TPGS2: variants seen among roughly 807,000 people sequenced by gnomAD.
TPGS2 encodes tubulin polyglutamylase complex subunit 2, also known as polyglutamylase subunit 2.
TPGS2 carries 26 observed loss-of-function variants against 31.1 expected under a neutral mutation model. The observed-to-expected ratio is 0.84, with a 90% CI of 0.61 to 1.16. The LOEUF (loss-of-function observed/expected upper bound fraction) is 1.16. Ranked by LOEUF, TPGS2 falls within the 50% of genes most tolerant of loss-of-function variation. TPGS2 has a pLI of 0.00. For synonymous variants in TPGS2, 130 were observed against 136.6 expected (o/e 0.95, Z 0.34); for missense variants, 351 against 363.8 (o/e 0.96, Z 0.29).
intron 2 of TPGS2, among the ~76,000 whole-genome samples, chr18:36,816,924 C>G (rs569722827): frequency 6.6e-5 from 10 of 152,170 alleles, no homozygotes; most frequent in Non-Finnish European, 1.3e-4. Context: ...CTACTAATAC[C>G]TAAAGGGCTG....
intron 4 of TPGS2, among the ~76,000 whole-genome samples, chr18:36,801,468 G>A (rs189046422): frequency 6.6e-6 from 1 of 152,164 alleles, no homozygotes; most frequent in Admixed American, 6.5e-5. Flanking sequence ...CAAGTAGCTG[G>A]GGTCCATAGG....
At chr18:36,815,150 C>T (rs2045596791) in intron 2 of TPGS2, among the ~76,000 whole-genome samples, 1 of 152,126 alleles carries the variant, frequency 6.6e-6, no homozygotes, top group African/African-American at 2.4e-5. Flanking sequence ...AATTATCAGC[C>T]CCTTGGGATC....
chr18:36,818,328 G>A (rs2045746937), intron 2 of TPGS2, among the ~76,000 whole-genome samples: 1 of 151,392 alleles, frequency 6.6e-6, no homozygotes, highest in African/African-American at 2.4e-5. Flanking sequence ...GTCTTAGGCA[G>A]TAAGATCAAG....
rs1372797829 is a variant in TPGS2, at chr18:36,796,745, G to C, written c.*60C>G. The stretch of plus-strand genomic sequence containing the variant: ...ACGCAAAACTGGAGGTCACCCCTAG[G>C]GCCATCTGTGCATGGAAACCACCAC... On this transcript the variant is annotated 3_prime_UTR_variant, in exon 7 of 7. Coordinates refer to ENST00000334295, the MANE Select transcript of TPGS2 (RefSeq NM_015476.4). The C allele has an allele frequency of 1.9e-6, 3 of 1,564,398 alleles. No individual in the cohort carries two copies. The highest frequency in any genetic ancestry group is 2.6e-6 in the Non-Finnish European group (3 of 1,164,968).
intron 4 of TPGS2, among the ~76,000 whole-genome samples, chr18:36,802,826 C>T (rs2150583640): frequency 6.6e-6 from 1 of 152,204 alleles, no homozygotes; most frequent in Non-Finnish European, 1.5e-5. Context: ...CGGGGTTTCA[C>T]CATGTTGGCC....
chr18:36,783,118 AG>A lies in TPGS2; in HGVS notation c.670del (p.Leu224PhefsTer11). 2.5e-6 allele frequency: 1 copy of A among 398,560 alleles called. No individual in the cohort carries two copies. The highest frequency in any genetic ancestry group is 2.1e-5 in the African/African-American group (1 of 48,758). The allele number at this position is 398,560 out of a possible 1,614,324, so 24.7% of individuals were successfully genotyped here. On this transcript the variant is annotated frameshift_variant, in exon 7 of 7. Transcript: ENST00000587129. LOFTEE classifies it low-confidence loss of function (END_TRUNC). ...CACCGGAGGACTAGATCCATCAAAAAGGCCTAAAAGAGCCTATAAGAAAAAT... is the reference window on the plus strand; with the variant it reads ...CACCGGAGGACTAGATCCATCAAAAAGCCTAAAAGAGCCTATAAGAAAAAT...
At chr18:36,783,147 A>G (rs572083474) in intron 6 of TPGS2, 2 of 398,408 alleles carry the variant, frequency 5.0e-6, no homozygotes, top group South Asian at 1.3e-4. Context: ...AGAAAAATCA[A>G]TTTGCGTTGT....
At position 36,796,915 on chromosome 18, in the gene TPGS2, C is replaced by T; in HGVS notation, c.793G>A (p.Gly265Arg). The change falls in exon 7 of 7, where the codon GGG becomes AGG. Residue 265 changes from glycine to arginine, a missense_variant. Gly to Arg is a moderately radical substitution (Grantham distance 125, BLOSUM62 -2). Coordinates refer to ENST00000334295, the MANE Select transcript of TPGS2 (RefSeq NM_015476.4). The part of the protein sequence containing the change: ...KNKIVIPKKK[G>R]PVQPAGGQKG... Reference sequence around the variant, plus strand: ...TGGCCACCTGCAGGCTGCACAGGCCCTTTCTTTTTTGGGATTACGATCTTG... The same window carrying T: ...TGGCCACCTGCAGGCTGCACAGGCCTTTTCTTTTTTGGGATTACGATCTTG... The T allele has an allele frequency of 6.2e-7, 1 of 1,610,020 alleles. No homozygotes were observed. The highest frequency in any genetic ancestry group is 1.7e-5 in the Admixed American group (1 of 59,130).
chr18:36,826,143 T>A (rs1429698502), intron 1 of TPGS2, among the ~76,000 whole-genome samples: 1 of 152,132 alleles, frequency 6.6e-6, no homozygotes, highest in Non-Finnish European at 1.5e-5. Flanking sequence ...GCTCAAGCAA[T>A]CCTCCTATCT....
chr18:36,809,206 T>A (rs1351336714), intron 2 of TPGS2, among the ~76,000 whole-genome samples: 9 of 152,094 alleles, frequency 5.9e-5, no homozygotes, highest in Admixed American at 3.9e-4. Flanking sequence ...AAGAATAAAC[T>A]CTAAGACTTA....
chr18:36,798,185 T>A, intron 6 of TPGS2: 1 of 1,301,268 alleles, frequency 7.7e-7, no homozygotes, highest in Non-Finnish European at 9.8e-7. Context: ...TCATGGGACA[T>A]AAACTATCCA....
chr18:36,798,433 G>C lies in TPGS2; in HGVS notation c.657+16C>G. 1 of 1,614,084 alleles carries C rather than the reference G, an allele frequency of 6.2e-7. No individual in the cohort carries two copies. Among genetic ancestry groups the C allele is most frequent in the Non-Finnish European group, 8.5e-7 (1 of 1,179,990 alleles). ...GAATATACCATAGTTTACAATGGCA[G>C]GTGTTCCTCCCTTACCTTGGCCTGT... is the stretch of plus-strand genomic sequence containing the variant. On this transcript the variant is annotated intron_variant, in intron 6 of 6. Transcript: ENST00000334295.
intron 3 of TPGS2, 90 bp downstream of exon 3, chr18:36,807,757 T>G (rs2045227489): frequency 1.6e-6 from 2 of 1,214,234 alleles, no homozygotes; most frequent in Admixed American, 3.9e-5. Context: ...ACCATCCAGA[T>G]TCAAAGACTC....
intron 6 of TPGS2, among the ~76,000 whole-genome samples, chr18:36,784,165 A>C (rs2044078061): frequency 6.6e-6 from 1 of 152,222 alleles, no homozygotes; most frequent in Admixed American, 6.5e-5. Context: ...TGATAAAATA[A>C]ATTTCTGTTG....
intron 5 of TPGS2, 83 bp from the exon 6 acceptor site, chr18:36,798,692 GC>G: frequency 6.7e-7 from 1 of 1,501,626 alleles, no homozygotes; most frequent in Non-Finnish European, 8.9e-7. Context: ...TATACTCATG[GC>G]CTTAAAAAAA....
chr18:36,785,806 C>CA (rs567045645), intron 6 of TPGS2, among the ~76,000 whole-genome samples: 30 of 151,842 alleles, frequency 2.0e-4, no homozygotes, highest in African/African-American at 5.3e-4. Flanking sequence ...GAAGTGTCAA[C>CA]AAAAAAATCA....
At chr18:36,798,099 C>T in intron 6 of TPGS2, 1 of 1,052,196 alleles carries the variant, frequency 9.5e-7, no homozygotes, top group Non-Finnish European at 1.2e-6. Flanking sequence ...ACTGGGGATG[C>T]ACACTTGGAG....
At chr18:36,822,201 T>C (rs79414259) in intron 1 of TPGS2, among the ~76,000 whole-genome samples, 95 of 152,286 alleles carry the variant, frequency 6.2e-4, no homozygotes, top group African/African-American at 1.9e-3. Context: ...CCCCTGGAAG[T>C]TGAGGCTTAA....
At chr18:36,809,476 T>A (rs1436289188) in intron 2 of TPGS2, among the ~76,000 whole-genome samples, 1 of 152,246 alleles carries the variant, frequency 6.6e-6, no homozygotes, top group Non-Finnish European at 1.5e-5. Context: ...CTGTGTCCAT[T>A]ATTTAGTACC....
Sources: gnomAD v4.1 joint callset for allele counts (sites outside exome capture counted in the v4.1 genomes callset) on GRCh38, gnomAD v4.1.1 for gene constraint, MANE v1.5 for transcripts, NCBI Gene and HGNC (gene_info 2026-07-23, HGNC 2026-07-21) for gene names.